EMX2: variants seen among roughly 807,000 people sequenced by gnomAD.
EMX2 encodes the protein homeobox protein EMX2.
EMX2 carries 6 observed loss-of-function variants against 23.0 expected under a neutral mutation model. That is an observed-to-expected ratio of 0.26 (90% CI 0.14 to 0.52). The LOEUF is 0.52. EMX2 is among the 20% of genes least tolerant of loss of function. The pLI is 0.97. For synonymous variants in EMX2, 175 were observed against 153.3 expected, an observed-to-expected ratio of 1.14 and a Z score of -1.04; for missense variants, 302 against 341.4, an observed-to-expected ratio of 0.88 and a Z score of 0.91.
rs1846608064 is a variant in EMX2 at position 117,548,237 on chromosome 10, A to G, written c.*5A>G. On this transcript the variant is annotated 3_prime_UTR_variant, in exon 3 of 3. Coordinates refer to ENST00000553456, the MANE Select transcript of EMX2 (RefSeq NM_004098.4). The stretch of plus-strand genomic sequence containing the variant: ...GACGTGACCTCAGATGATTAAAAAC[A>G]TAAACCTAACCCCACAGAAACGGAC... 2 of 1,613,648 alleles carry G rather than the reference A, an allele frequency of 1.2e-6. No individual in the cohort carries two copies. Among genetic ancestry groups the G allele is most frequent in the Non-Finnish European group, 8.5e-7 (1 of 1,179,758 alleles).
At chr10:117,544,322 C>G (rs1018155903) in intron 1 of EMX2, 7 of 152,148 alleles carry the variant, frequency 4.6e-5, no homozygotes, top group African/African-American at 1.7e-4. Context: ...AATTGGGGCG[C>G]CGAGCAGCCA....
rs1281156748 is a variant in EMX2 at position 117,545,811 on chromosome 10, A to G, written c.586A>G (p.Thr196Ala). 2 of 1,613,672 alleles carry G rather than the reference A, an allele frequency of 1.2e-6. No homozygotes were observed. Among genetic ancestry groups the G allele is most frequent in the Non-Finnish European group, 1.7e-6 (2 of 1,179,990 alleles). ...QLAHSLSLTE[T>A]QVKVWFQNRR... is the part of the protein sequence containing the mutation. Reference sequence around the variant, plus strand: ...GGCACACAGCCTCAGCCTCACGGAAACTCAGGTGACTGCGGCCCGGGCGCG... The same window carrying G: ...GGCACACAGCCTCAGCCTCACGGAAGCTCAGGTGACTGCGGCCCGGGCGCG... Residue 196 changes from threonine to alanine, a missense_variant, in exon 2 of 3, where the codon ACT (threonine) becomes GCT (alanine). Around this residue, in one of 4 missense-constraint regions of EMX2, gnomAD observed 37 missense variants for 69.1 expected, o/e 0.54. Transcript: ENST00000553456.
chr10:117,543,277 C>A lies in EMX2; in HGVS notation c.10C>A (p.Pro4Thr). ...CGCTCCTCGGCGCAGCATGTTCCAG[C>A]CGGCGCCCAAGCGCTGCTTCACCAT... is the stretch of plus-strand genomic sequence containing the variant. MFQ[P>T]APKRCFTIES... Residue 4 changes from proline to threonine, a missense_variant, in exon 1 of 3, where the codon CCG becomes ACG. By Grantham distance (38) the Pro-to-Thr change is conservative (BLOSUM62 -1). Transcript: ENST00000553456. 1 of 1,547,930 alleles carries A rather than the reference C, an allele frequency of 6.5e-7. No homozygotes were observed. Among genetic ancestry groups the A allele is most frequent in the Non-Finnish European group, 8.7e-7 (1 of 1,145,958 alleles).
At position 117,543,746 on chromosome 10, in the gene EMX2, T is replaced by TG. The variant is rs1185949102; in HGVS notation, c.406+76dup. ...TTCACTGCCCCCGGCCTGCTCCGGG[T>TG]GGGCGCTTGGCAAGGCCTGGGCGGA... is the stretch of plus-strand genomic sequence containing the variant. On this transcript the variant is annotated intron_variant, in intron 1 of 2. Coordinates refer to ENST00000553456, the MANE Select transcript of EMX2 (RefSeq NM_004098.4). 2.6e-5 allele frequency: 42 copies of TG among 1,609,016 alleles called. No homozygotes were observed. The East Asian group carries it at 9.4e-4, about 36-fold the overall frequency.
chr10:117,547,153 C>G (rs920299738), intron 2 of EMX2, among the ~76,000 whole-genome samples: 1 of 152,192 alleles, frequency 6.6e-6, no homozygotes, highest in African/African-American at 2.4e-5. Flanking sequence ...GCAGCCGACT[C>G]CCACCTCATT....
At chr10:117,543,705 C>G in intron 1 of EMX2, 32 bp downstream of exon 1, 1 of 1,596,850 alleles carries the variant, frequency 6.3e-7, no homozygotes, top group Non-Finnish European at 8.5e-7. Flanking sequence ...TGCAGCGCGC[C>G]GCTCCCGCCG....
Position 117,543,585 on chromosome 10 carries a change from C to T in EMX2, c.318C>T (p.His106=), listed in dbSNP as rs1188632966. 1 of 1,613,382 alleles carries T rather than the reference C, an allele frequency of 6.2e-7. No individual in the cohort carries two copies. The highest frequency in any genetic ancestry group is 8.5e-7 in the Non-Finnish European group (1 of 1,179,698). Residue 106 remains histidine (H), a synonymous_variant, in exon 1 of 3, where the codon CAC becomes CAT. Coordinates refer to ENST00000553456, the MANE Select transcript of EMX2 (RefSeq NM_004098.4). ...AHPLPSSHSP[H]PLFASQQRDP... Reference sequence around the variant, plus strand: ...CCCTACCCTCCTCGCACTCGCCACACCCCCTATTCGCCTCGCAGCAGCGGG... The same window carrying T: ...CCCTACCCTCCTCGCACTCGCCACATCCCCTATTCGCCTCGCAGCAGCGGG...
chr10:117,546,681 G>A lies in EMX2; in HGVS notation c.591+865G>A, dbSNP rs1846583233. On this transcript the variant is annotated intron_variant, in intron 2 of 2. Transcript: ENST00000553456. ...GGCTGATTTCTCCTGGACAGCCGAG[G>A]CGGCGGTGGTCTTTGTCCGCCTCGC... is the stretch of plus-strand genomic sequence containing the variant. Among the ~76,000 whole-genome samples, 4 of 152,386 alleles carry A rather than the reference G, an allele frequency of 2.6e-5. No individual in the cohort carries two copies. In the South Asian group the frequency reaches 8.3e-4, roughly 32 times the overall value.
intron 2 of EMX2, 52 bp from the exon 3 acceptor site, chr10:117,548,013 T>A (rs2240776): frequency 0.6 from 941,787 of 1,566,696 alleles, 289,280 homozygotes; most frequent in Non-Finnish European, 0.64. Flanking sequence ...AGGCACTTGA[T>A]AGAAGGGTGC....
chr10:117,549,152 T>C lies in EMX2; in HGVS notation c.*920T>C, dbSNP rs1282904129. 3 of 152,932 alleles carry C rather than the reference T, an allele frequency of 2.0e-5. No homozygotes were observed. In the East Asian group the frequency reaches 5.7e-4, roughly 29 times the overall value. The allele number at this position is 152,932 out of a possible 1,614,324, so 9.5% of individuals were successfully genotyped here. A position where few individuals can be genotyped will look rare whatever the true frequency, so the allele number is the denominator to read the frequency against. Reference sequence around the variant, plus strand: ...AAAACCCCTAAATTAATTATATTTCTTGGACATTCCCTTTCCTAACATCCT... The same window carrying C: ...AAAACCCCTAAATTAATTATATTTCCTGGACATTCCCTTTCCTAACATCCT... On this transcript the variant is annotated 3_prime_UTR_variant, in exon 3 of 3. Coordinates refer to ENST00000553456, the MANE Select transcript of EMX2 (RefSeq NM_004098.4).
At position 117,548,558 on chromosome 10, in the gene EMX2, G is replaced by T; in HGVS notation, c.*326G>T. On this transcript the variant is annotated 3_prime_UTR_variant, in exon 3 of 3. Coordinates refer to ENST00000553456, the MANE Select transcript of EMX2 (RefSeq NM_004098.4). ...AGAGAAAGAGAGAGAAAGAGAGAGA[G>T]AGAGAGAGAGAGAGAAAGCTGAACG... The T allele has an allele frequency of 1.9e-6, 1 of 525,714 alleles. No homozygotes were observed. Among genetic ancestry groups the T allele is most frequent in the Non-Finnish European group, 3.3e-6 (1 of 300,804 alleles). 32.6% of individuals were successfully genotyped at this position (525,714 alleles called of 1,614,324 possible). A position where few individuals can be genotyped will look rare whatever the true frequency, so the allele number is the denominator to read the frequency against.
chr10:117,546,095 T>G (rs748925416), intron 2 of EMX2, among the ~76,000 whole-genome samples: 6 of 149,434 alleles, frequency 4.0e-5, no homozygotes, highest in African/African-American at 5.0e-5. Context: ...ATCCCTGCAT[T>G]TCTGGTGAGA....
rs1473650772 is a variant in EMX2, at chr10:117,548,556, G to C, written c.*324G>C. The C allele has an allele frequency of 8.4e-6, 4 of 478,526 alleles. No individual in the cohort carries two copies. Among genetic ancestry groups the C allele is most frequent in the Non-Finnish European group, 1.5e-5 (4 of 270,962 alleles). 29.6% of individuals were successfully genotyped at this position (478,526 alleles called of 1,614,324 possible). A position where few individuals can be genotyped will look rare whatever the true frequency, so the allele number is the denominator to read the frequency against. ...AGAGAGAAAGAGAGAGAAAGAGAGA[G>C]AGAGAGAGAGAGAGAGAAAGCTGAA... On this transcript the variant is annotated 3_prime_UTR_variant, in exon 3 of 3. Transcript: ENST00000553456.
chr10:117,545,842 C>T (rs781136023), intron 2 of EMX2, 26 bp downstream of exon 2: 23 of 1,613,320 alleles, frequency 1.4e-5, no homozygotes, highest in Admixed American at 3.3e-5. Context: ...GCGCGAGGAA[C>T]CCATCTAGGC....
intron 1 of EMX2, among the ~76,000 whole-genome samples, chr10:117,545,383 T>C (rs1846561873): frequency 6.6e-6 from 1 of 152,116 alleles, no homozygotes; most frequent in Non-Finnish European, 1.5e-5. Flanking sequence ...GTCAGGAGCC[T>C]GGGGACTGGC....
At position 117,548,274 on chromosome 10, in the gene EMX2, A is replaced by T; in HGVS notation, c.*42A>T. The T allele has an allele frequency of 6.2e-7, 1 of 1,609,726 alleles. No individual in the cohort carries two copies. The highest frequency in any genetic ancestry group is 8.5e-7 in the Non-Finnish European group (1 of 1,177,860). On this transcript the variant is annotated 3_prime_UTR_variant, in exon 3 of 3. Transcript: ENST00000553456. The stretch of plus-strand genomic sequence containing the variant: ...CCACAGAAACGGACAACATGGAGCA[A>T]AAGAGACAGGGAGAGGTGGAGAAGG...
chr10:117,545,596 C>G, intron 1 of EMX2, 36 bp from the exon 2 acceptor site: 1 of 1,611,874 alleles, frequency 6.2e-7, no homozygotes, highest in Non-Finnish European at 8.5e-7. Flanking sequence ...GTCAGAGCAG[C>G]CCCCCCTAAT....
At chr10:117,547,874 G>C (rs2133971089) in intron 2 of EMX2, among the ~76,000 whole-genome samples, 191 bp from the exon 3 acceptor site, 1 of 152,220 alleles carries the variant, frequency 6.6e-6, no homozygotes, top group East Asian at 1.9e-4. Context: ...CTGGGCTTCT[G>C]TTCCACCACG....
In EMX2 at chr10:117,548,339, C is replaced by A; in HGVS notation, c.*107C>A. 2 of 1,465,860 alleles carry A rather than the reference C, an allele frequency of 1.4e-6. No homozygotes were observed. Among genetic ancestry groups the A allele is most frequent in the Non-Finnish European group, 1.8e-6 (2 of 1,086,570 alleles). The allele number at this position is 1,465,860 out of a possible 1,614,324, so 90.8% of individuals were successfully genotyped here. On this transcript the variant is annotated 3_prime_UTR_variant, in exon 3 of 3. Transcript: ENST00000553456. ...AACAAAAACAAACCGCATACACGTT[C>A]ACCGAGAAAGGGAGAGGGAATCGGA...
Sources: gnomAD v4.1 joint callset for allele counts (sites outside exome capture counted in the v4.1 genomes callset) on GRCh38, gnomAD v4.1.1 for gene constraint, gnomAD v4.1.1 regional missense constraint, MANE v1.5 for transcripts, NCBI Gene and HGNC (gene_info 2026-07-23, HGNC 2026-07-21) for gene names.